Variants in GLRA3 observed in about 807,000 individuals in gnomAD.
The protein encoded by GLRA3 is glycine receptor alpha 3, also known as glycine receptor subunit alpha-3.
GLRA3 carries 44 observed loss-of-function variants against 60.4 expected under a neutral mutation model. That is an observed-to-expected ratio of 0.73 (90% CI 0.57 to 0.94). GLRA3 has a LOEUF of 0.94. GLRA3 is among the 40% of genes least tolerant of loss of function. GLRA3 has a pLI of 0.00. For missense variants in GLRA3, 508 were observed against 564.6 expected, an observed-to-expected ratio of 0.90 and a Z score of 1.02; for synonymous variants, 223 against 192.9, an observed-to-expected ratio of 1.16 and a Z score of -1.29.
chr4:174,805,658 C>T (rs1560809863), intron 1 of GLRA3, among the ~76,000 whole-genome samples: 1 of 152,074 alleles, frequency 6.6e-6, no homozygotes, highest in Non-Finnish European at 1.5e-5. Context: ...TTGAGGCTTA[C>T]AGGTATTTAT....
intron 1 of GLRA3, among the ~76,000 whole-genome samples, chr4:174,823,592 G>A (rs1740836728): frequency 1.3e-5 from 2 of 152,260 alleles, no homozygotes; most frequent in South Asian, 4.2e-4. Flanking sequence ...ATAATCCTGT[G>A]GAAAAGGGTA....
chr4:174,778,618 C>T (rs974140901), intron 2 of GLRA3, among the ~76,000 whole-genome samples: 3 of 152,192 alleles, frequency 2.0e-5, no homozygotes, highest in South Asian at 2.1e-4. Flanking sequence ...AGTGGGTGCA[C>T]GCACCGTGCG....
rs1732596268 is a variant in GLRA3 at position 174,640,293 on chromosome 4, T to C, written c.*3493A>G. On this transcript the variant is annotated 3_prime_UTR_variant, in exon 10 of 10. Coordinates refer to ENST00000274093, the MANE Select transcript of GLRA3 (RefSeq NM_006529.4). ...CACCTGTGAAAAACAATGCTGTCAG[T>C]TTCCTTCTTTTCCATTTACAAAATA... 6.6e-6 allele frequency: 1 copy of C among 152,088 alleles called. No individual in the cohort carries two copies. The highest frequency in any genetic ancestry group is 1.5e-5 in the Non-Finnish European group (1 of 67,962). 9.4% of individuals were successfully genotyped at this position (152,088 alleles called of 1,614,324 possible). A position where few individuals can be genotyped will look rare whatever the true frequency, so the allele number is the denominator to read the frequency against.
In GLRA3 at chr4:174,639,354, C is replaced by G. The variant is rs1732571603; in HGVS notation, c.*4432G>C. 1 of 147,744 alleles carries G rather than the reference C, an allele frequency of 6.8e-6. No individual in the cohort carries two copies. The highest frequency in any genetic ancestry group is 1.5e-5 in the Non-Finnish European group (1 of 67,302). The allele number at this position is 147,744 out of a possible 1,614,324, so 9.2% of individuals were successfully genotyped here. On this transcript the variant is annotated 3_prime_UTR_variant, in exon 10 of 10. Coordinates refer to ENST00000274093, the MANE Select transcript of GLRA3 (RefSeq NM_006529.4). ...GTATTTTTAATCTAAAGGAATTCATCTCATTACCAATATGTGTATGTGTGT... is the reference window on the plus strand; with the variant it reads ...GTATTTTTAATCTAAAGGAATTCATGTCATTACCAATATGTGTATGTGTGT...
At chr4:174,742,440 T>A (rs1202267317) in intron 3 of GLRA3, among the ~76,000 whole-genome samples, 1 of 152,092 alleles carries the variant, frequency 6.6e-6, no homozygotes, top group East Asian at 1.9e-4. Context: ...TTAATATAAG[T>A]AATAAGAAAG....
intron 3 of GLRA3, among the ~76,000 whole-genome samples, chr4:174,758,195 A>T (rs1455709565): frequency 6.6e-6 from 1 of 152,182 alleles, no homozygotes; most frequent in Non-Finnish European, 1.5e-5. Context: ...CCTTTATAGC[A>T]ATGCAAAACA....
chr4:174,773,947 C>T (rs1016506231), intron 2 of GLRA3, among the ~76,000 whole-genome samples: 8 of 110,468 alleles, frequency 7.2e-5, no homozygotes, highest in Non-Finnish European at 1.3e-4. Context: ...GTTGGAGGTC[C>T]GGTGAGAGAG....
At chr4:174,757,768 C>T (rs967615572) in intron 3 of GLRA3, among the ~76,000 whole-genome samples, 1 of 152,074 alleles carries the variant, frequency 6.6e-6, no homozygotes, top group African/African-American at 2.4e-5. Context: ...CTCTTTATCC[C>T]CTTAAGTTGG....
At chr4:174,758,665 T>C (rs1451101551) in intron 3 of GLRA3, among the ~76,000 whole-genome samples, 1 of 152,172 alleles carries the variant, frequency 6.6e-6, no homozygotes, top group East Asian at 1.9e-4. Context: ...TGTTCACAAA[T>C]GTTAACAAAT....
At chr4:174,693,021 T>C in intron 5 of GLRA3, among the ~76,000 whole-genome samples, 1 of 152,192 alleles carries the variant, frequency 6.6e-6, no homozygotes, top group South Asian at 2.1e-4. Flanking sequence ...TCTCTTATTG[T>C]AAATTTGTTC....
intron 6 of GLRA3, 38 bp downstream of exon 6, chr4:174,682,764 A>T (rs751565211): frequency 6.9e-7 from 1 of 1,458,882 alleles, no homozygotes; most frequent in Non-Finnish European, 9.5e-7. Context: ...TCATAAAACC[A>T]CAAGTAGTAA....
At chr4:174,656,236 G>A (rs2110879032) in intron 9 of GLRA3, among the ~76,000 whole-genome samples, 1 of 152,106 alleles carries the variant, frequency 6.6e-6, no homozygotes, top group African/African-American at 2.4e-5. Context: ...AAACTAAATT[G>A]TTCACTTGCT....
intron 1 of GLRA3, among the ~76,000 whole-genome samples, chr4:174,823,641 A>G (rs1740838460): frequency 6.6e-6 from 1 of 152,216 alleles, no homozygotes; most frequent in Non-Finnish European, 1.5e-5. Flanking sequence ...AGGCTTTGCT[A>G]GATATGTTTC....
chr4:174,674,127 C>G (rs74955269), intron 7 of GLRA3, among the ~76,000 whole-genome samples: 1,758 of 152,260 alleles, frequency 0.012, 32 homozygotes, highest in African/African-American at 0.04. Flanking sequence ...TCTATCTGGT[C>G]TTCAAACAGA....
intron 3 of GLRA3, among the ~76,000 whole-genome samples, chr4:174,748,574 G>A (rs1215788902): frequency 1.3e-5 from 2 of 152,090 alleles, no homozygotes; most frequent in Non-Finnish European, 2.9e-5. Flanking sequence ...AGGACTTCAG[G>A]ATTTGATGTA....
rs1422498903 is a variant in GLRA3, at chr4:174,729,583, T to A, written c.268-885A>T. ...TAAATTATTGCTCACAATTTTGGAC[T>A]AACGCGTAGAATGACAAATGTTGAC... On this transcript the variant is annotated intron_variant, in intron 3 of 9. Transcript: ENST00000274093. 2.6e-5 allele frequency among the ~76,000 whole-genome samples: 4 copies of A among 152,358 alleles called. No individual in the cohort carries two copies. In the South Asian group the frequency reaches 6.2e-4, roughly 24 times the overall value.
At chr4:174,783,172 A>G (rs982667953) in intron 2 of GLRA3, among the ~76,000 whole-genome samples, 7 of 151,844 alleles carry the variant, frequency 4.6e-5, no homozygotes, top group African/African-American at 1.7e-4. Context: ...CCGCGTATCT[A>G]CAACTATCTG....
At chr4:174,744,356 T>C (rs1172310178) in intron 3 of GLRA3, among the ~76,000 whole-genome samples, 1 of 152,228 alleles carries the variant, frequency 6.6e-6, no homozygotes, top group African/African-American at 2.4e-5. Flanking sequence ...TGCCTGGTCC[T>C]ACTGACACAG....
intron 4 of GLRA3, among the ~76,000 whole-genome samples, chr4:174,721,805 A>G (rs1290250183): frequency 3.2e-5 from 2 of 62,964 alleles, no homozygotes; most frequent in Non-Finnish European, 6.8e-5. Context: ...ATAGATGTAT[A>G]TGAAAAAATA....
Sources: allele counts gnomAD v4.1 joint callset (sites outside exome capture counted in the v4.1 genomes callset), GRCh38; gene constraint gnomAD v4.1.1; transcripts MANE v1.5; gene names NCBI Gene and HGNC (gene_info 2026-07-23, HGNC 2026-07-21).